CDKAL1: variants seen among roughly 807,000 people sequenced by gnomAD.
The protein encoded by CDKAL1 is threonylcarbamoyladenosine tRNA methylthiotransferase.
In CDKAL1, 32 loss-of-function variants were observed where a neutral mutation model predicts 68.2. The ratio of observed to expected loss-of-function variants is 0.47; its 90% confidence interval spans 0.35 to 0.63. The LOEUF (loss-of-function observed/expected upper bound fraction) is 0.63, where lower values mean the gene tolerates loss of function less well. CDKAL1 is among the 30% of genes least tolerant of loss of function. The pLI is 0.00. For missense variants in CDKAL1, 606 were observed against 696.7 expected (o/e 0.87, Z 1.47); for synonymous variants, 234 against 244.3 (o/e 0.96, Z 0.39).
At chr6:20,579,357 A>T (rs1765048538) in intron 4 of CDKAL1, among the ~76,000 whole-genome samples, 1 of 152,214 alleles carries the variant, frequency 6.6e-6, no homozygotes, top group Admixed American at 6.5e-5. Flanking sequence ...GATGCCTGAA[A>T]AAAAGCATAT....
chr6:20,689,473 A>G (rs540207734), intron 5 of CDKAL1, among the ~76,000 whole-genome samples: 15 of 152,280 alleles, frequency 9.9e-5, no homozygotes, highest in Non-Finnish European at 1.6e-4. Context: ...GGTGACCTCA[A>G]TTCTCTTACA....
intron 8 of CDKAL1, among the ~76,000 whole-genome samples, chr6:20,802,766 G>A (rs547522539): frequency 2.0e-5 from 3 of 152,304 alleles, no homozygotes; most frequent in African/African-American, 7.2e-5. Flanking sequence ...TCAGAGCACA[G>A]AAAGATGATT....
At chr6:20,870,278 T>TA (rs767849706) in intron 9 of CDKAL1, among the ~76,000 whole-genome samples, 1 of 152,230 alleles carries the variant, frequency 6.6e-6, no homozygotes, top group Non-Finnish European at 1.5e-5. Context: ...ATTGTCCAGA[T>TA]ACTGCAGGCT....
intron 4 of CDKAL1, among the ~76,000 whole-genome samples, chr6:20,602,777 G>T (rs62397566): frequency 1.3e-5 from 2 of 151,952 alleles, no homozygotes; most frequent in Admixed American, 6.6e-5. Context: ...CAGTTTTCTG[G>T]GCTGGGTTTG....
chr6:20,586,253 G>GAAAACCACAC, intron 4 of CDKAL1, among the ~76,000 whole-genome samples: 1 of 152,192 alleles, frequency 6.6e-6, no homozygotes, highest in African/African-American at 2.4e-5. Flanking sequence ...TTTCCACACA[G>GAAAACCACAC]TGATCAGAGA....
chr6:21,087,378 C>T (rs1341759232), intron 12 of CDKAL1, among the ~76,000 whole-genome samples: 2 of 152,160 alleles, frequency 1.3e-5, no homozygotes, highest in Non-Finnish European at 2.9e-5. Flanking sequence ...GTCTCCCAGG[C>T]TGGAGTGCAG....
At chr6:20,914,163 G>A (rs553190832) in intron 9 of CDKAL1, among the ~76,000 whole-genome samples, 5 of 151,774 alleles carry the variant, frequency 3.3e-5, no homozygotes, top group East Asian at 3.9e-4. Context: ...GGTGGCAGGC[G>A]CCTGTAGTCC....
intron 9 of CDKAL1, among the ~76,000 whole-genome samples, chr6:20,901,064 T>C (rs972938206): frequency 1.3e-5 from 2 of 152,174 alleles, no homozygotes; most frequent in Non-Finnish European, 2.9e-5. Flanking sequence ...CTTTGAAGTC[T>C]AGCGATGATT....
intron 8 of CDKAL1, among the ~76,000 whole-genome samples, chr6:20,820,567 T>C (rs1777237101): frequency 6.6e-6 from 1 of 152,196 alleles, no homozygotes; most frequent in African/African-American, 2.4e-5. Context: ...GCATAGTGAA[T>C]GACTTCTCTA....
intron 4 of CDKAL1, among the ~76,000 whole-genome samples, chr6:20,616,831 C>T (rs867029572): frequency 2.0e-5 from 2 of 99,568 alleles, no homozygotes; most frequent in Non-Finnish European, 4.3e-5. Context: ...GGCGAAACCC[C>T]GACTCTACCA....
intron 10 of CDKAL1, among the ~76,000 whole-genome samples, chr6:20,988,013 A>G (rs201349): frequency 0.9 from 135,793 of 150,380 alleles, 61,342 homozygotes; most frequent in Middle Eastern, 0.94. Context: ...TTGAATTCCT[A>G]CATTCAAGCT....
At chr6:20,921,792 T>C (rs2150651472) in intron 9 of CDKAL1, among the ~76,000 whole-genome samples, 2 of 152,340 alleles carry the variant, frequency 1.3e-5, no homozygotes, top group South Asian at 2.1e-4. Context: ...TTCTTCCTAC[T>C]TGGCCAAAAC....
chr6:21,129,894 G>A (rs1775212680), intron 13 of CDKAL1, among the ~76,000 whole-genome samples: 1 of 152,020 alleles, frequency 6.6e-6, no homozygotes, highest in Non-Finnish European at 1.5e-5. Flanking sequence ...ATAAGGATCA[G>A]CTTAATACAG....
chr6:20,825,541 G>A (rs1304564482), intron 8 of CDKAL1, among the ~76,000 whole-genome samples: 1 of 151,974 alleles, frequency 6.6e-6, no homozygotes, highest in African/African-American at 2.4e-5. Context: ...GGGTTTGGTG[G>A]GGTTTTTTGT....
In CDKAL1 at chr6:20,996,592, G is replaced by A. The variant is rs145251186; in HGVS notation, c.910-3635G>A. ...ATTAAATTTGCCATCTTATATGGGC[G>A]CGGTTTGTGGCACCCCAAAATAATT... On this transcript the variant is annotated intron_variant, in intron 10 of 15. Transcript: ENST00000274695. Among the ~76,000 whole-genome samples the A allele has an allele frequency of 4.0e-3, 606 of 152,270 alleles. 5 individuals are homozygous for A. The highest frequency in any genetic ancestry group is 0.013 in the African/African-American group (536 of 41,564).
intron 5 of CDKAL1, among the ~76,000 whole-genome samples, chr6:20,731,446 T>TG (rs1486731613): frequency 3.3e-5 from 5 of 152,146 alleles, no homozygotes; most frequent in African/African-American, 9.7e-5. Context: ...GATTTGCTGA[T>TG]GGATTGAGTG....
At chr6:20,588,720 G>A (rs993258643) in intron 4 of CDKAL1, among the ~76,000 whole-genome samples, 7 of 151,862 alleles carry the variant, frequency 4.6e-5, no homozygotes, top group African/African-American at 7.3e-5. Context: ...TATCATTTTC[G>A]AACTCTGTTT....
intron 1 of CDKAL1, among the ~76,000 whole-genome samples, chr6:20,534,851 T>C (rs933497880): frequency 6.6e-6 from 1 of 152,174 alleles, no homozygotes; most frequent in Non-Finnish European, 1.5e-5. Context: ...TTCTCCCACT[T>C]TATACCTTAG....
chr6:20,703,297 C>T (rs1211691348), intron 5 of CDKAL1, among the ~76,000 whole-genome samples: 2 of 152,114 alleles, frequency 1.3e-5, no homozygotes, highest in African/African-American at 2.4e-5. Context: ...AATTAAGGTA[C>T]TGTTTGTGAC....
Sources: allele counts gnomAD v4.1 joint callset (sites outside exome capture counted in the v4.1 genomes callset), GRCh38; gene constraint gnomAD v4.1.1; transcripts MANE v1.5; gene names NCBI Gene and HGNC (gene_info 2026-07-23, HGNC 2026-07-21).